Variants in RB1 observed in about 807,000 individuals in gnomAD.
The protein encoded by RB1 is retinoblastoma-associated protein.
A neutral mutation model predicts 135.4 loss-of-function variants in RB1; 18 were observed. The observed-to-expected ratio is 0.13, with a 90% CI of 0.09 to 0.20. The LOEUF (loss-of-function observed/expected upper bound fraction) is 0.20. Ranked by LOEUF, RB1 falls within the 10% of genes least tolerant of loss-of-function variation. RB1 has a pLI of 1.00. For missense variants in RB1, 868 were observed against 1,110.0 expected, an observed-to-expected ratio of 0.78 and a Z score of 3.10; for synonymous variants, 365 against 373.2, an observed-to-expected ratio of 0.98 and a Z score of 0.25.
chr13:48,444,375 G>A (rs1461629319), intron 17 of RB1, among the ~76,000 whole-genome samples: 1 of 152,054 alleles, frequency 6.6e-6, no homozygotes, highest in Non-Finnish European at 1.5e-5. Flanking sequence ...AAATTATCTG[G>A]GTGTGGTGGC....
chr13:48,459,719 A>T lies in RB1; in HGVS notation c.1992A>T (p.Thr664=), dbSNP rs755417160. Residue 664 remains threonine, a synonymous_variant, in exon 20 of 27, where the codon ACA becomes ACT. Coordinates refer to ENST00000267163, the MANE Select transcript of RB1 (RefSeq NM_000321.3). ...VYRLAYLRLN[T]LCERLLSEHP... is the part of the protein sequence containing the mutation. Reference sequence around the variant, plus strand: ...GGCTAGCCTATCTCCGGCTAAATACACTTTGTGAACGCCTTCTGTCTGAGC... The same window carrying T: ...GGCTAGCCTATCTCCGGCTAAATACTCTTTGTGAACGCCTTCTGTCTGAGC... 8.7e-6 allele frequency: 14 copies of T among 1,613,910 alleles called. No homozygotes were observed. The Admixed American group carries it at 2.2e-4, about 25-fold the overall frequency.
chr13:48,371,343 A>G (rs1402269494), intron 11 of RB1, among the ~76,000 whole-genome samples: 16 of 152,200 alleles, frequency 1.1e-4, no homozygotes, highest in Admixed American at 1.0e-3. Context: ...CATGTGTGCA[A>G]ATTAGAATAA....
intron 2 of RB1, chr13:48,317,347 C>T: frequency 2.6e-6 from 1 of 384,910 alleles, no homozygotes; most frequent in East Asian, 4.4e-5. Flanking sequence ...CCCGACGCCC[C>T]GCCTCCACTC....
intron 17 of RB1, among the ~76,000 whole-genome samples, chr13:48,393,886 C>T (rs1948629011): frequency 6.6e-6 from 1 of 152,142 alleles, no homozygotes; most frequent in African/African-American, 2.4e-5. Flanking sequence ...CAAATATTAG[C>T]AAATTTCTTC....
At chr13:48,445,346 G>C in intron 17 of RB1, 1 of 152,162 alleles carries the variant, frequency 6.6e-6, no homozygotes, top group Admixed American at 6.5e-5. Context: ...CAGAGTTTCT[G>C]TTGTAATTGG....
At chr13:48,449,836 C>T (rs979869678) in intron 17 of RB1, among the ~76,000 whole-genome samples, 1 of 152,150 alleles carries the variant, frequency 6.6e-6, no homozygotes, top group Non-Finnish European at 1.5e-5. Flanking sequence ...CATTTGGCAT[C>T]TTTAACCAAT....
At chr13:48,308,651 C>CA (rs368116879) in intron 2 of RB1, among the ~76,000 whole-genome samples, 98 of 136,126 alleles carry the variant, frequency 7.2e-4, no homozygotes, top group African/African-American at 1.5e-3. Context: ...GACTCCATCT[C>CA]AAAAAAAAAA....
At chr13:48,386,799 T>A (rs1043033158) in intron 17 of RB1, among the ~76,000 whole-genome samples, 1 of 152,190 alleles carries the variant, frequency 6.6e-6, no homozygotes, top group Admixed American at 6.5e-5. Flanking sequence ...TTTGTAAACA[T>A]TTACAAGAAG....
At chr13:48,315,459 A>C (rs1039591618) in intron 2 of RB1, among the ~76,000 whole-genome samples, 1 of 152,242 alleles carries the variant, frequency 6.6e-6, no homozygotes, top group Non-Finnish European at 1.5e-5. Context: ...TAAAATCATC[A>C]TCTGCAAACA....
chr13:48,430,945 A>T (rs113279432), intron 17 of RB1, among the ~76,000 whole-genome samples: 1 of 152,168 alleles, frequency 6.6e-6, no homozygotes, highest in African/African-American at 2.4e-5. Context: ...TATATTTAAA[A>T]ATAGCAGTAG....
At chr13:48,384,926 G>T (rs1948561426) in intron 17 of RB1, among the ~76,000 whole-genome samples, 1 of 152,118 alleles carries the variant, frequency 6.6e-6, no homozygotes, top group African/African-American at 2.4e-5. Flanking sequence ...AAAGTTGGGG[G>T]ATTACAGGTG....
At chr13:48,367,689 A>G in intron 10 of RB1, 86 bp downstream of exon 10, 1 of 1,433,476 alleles carries the variant, frequency 7.0e-7, no homozygotes, top group Non-Finnish European at 9.4e-7. Flanking sequence ...TAGCTTAGTG[A>G]CCTTTAGATA....
intron 13 of RB1, among the ~76,000 whole-genome samples, chr13:48,377,816 G>A (rs1952843074): frequency 6.6e-6 from 1 of 152,128 alleles, no homozygotes. Context: ...AGATGGTATA[G>A]CCGATTGTAC....
chr13:48,342,550 G>A, intron 2 of RB1, 49 bp from the exon 3 acceptor site: 3 of 1,094,446 alleles, frequency 2.7e-6, no homozygotes, highest in Non-Finnish European at 4.2e-6. Context: ...ATAGTATCCA[G>A]TGTGTGAATT....
At chr13:48,328,054 C>A (rs962388301) in intron 2 of RB1, 15 of 773,452 alleles carry the variant, frequency 1.9e-5, no homozygotes, top group South Asian at 1.8e-4. Context: ...TTATACCCAC[C>A]CACACCCCAA....
At chr13:48,305,286 A>G (rs1399259157) in intron 1 of RB1, among the ~76,000 whole-genome samples, 1 of 152,238 alleles carries the variant, frequency 6.6e-6, no homozygotes, top group Non-Finnish European at 1.5e-5. Flanking sequence ...TGGCCCCTGG[A>G]AGGCTATTAA....
At position 48,319,334 on chromosome 13, in the gene RB1, G is replaced by T. The variant is rs2057770751; in HGVS notation, c.264+11928G>T. 2 of 544,624 alleles carry T rather than the reference G, an allele frequency of 3.7e-6. No individual in the cohort carries two copies. The highest frequency in any genetic ancestry group is 3.2e-6 in the Non-Finnish European group (1 of 308,322). The allele number at this position is 544,624 out of a possible 1,614,324, so 33.7% of individuals were successfully genotyped here. A position where few individuals can be genotyped will look rare whatever the true frequency, so the allele number is the denominator to read the frequency against. On this transcript the variant is annotated intron_variant, in intron 2 of 26. Coordinates refer to ENST00000267163, the MANE Select transcript of RB1 (RefSeq NM_000321.3). This position sits in a 1 kb window ranked among gnomAD's most constrained non-coding sequence, Gnocchi z 5.0. ...GCTGGGCCCTCTGGGGCAGGTCCCC[G>T]TTGGCCTCCTTGCGTGTTTGCCGCA...
Position 48,367,661 on chromosome 13 carries a change from G to A in RB1, c.1049+58G>A, listed in dbSNP as rs3092883. 10,878 of 1,561,314 alleles carry A rather than the reference G, an allele frequency of 7.0e-3. 417 individuals carry two copies. The African/African-American group carries it at 0.1, about 15-fold the overall frequency. On this transcript the variant is annotated intron_variant, in intron 10 of 26. Coordinates refer to ENST00000267163, the MANE Select transcript of RB1 (RefSeq NM_000321.3). Reference sequence around the variant, plus strand: ...TTAGATATAGGTTGATACTGATATAGGTAGATTATATAGTCTTTAGCTTAG... The same window carrying A: ...TTAGATATAGGTTGATACTGATATAAGTAGATTATATAGTCTTTAGCTTAG...
At position 48,379,957 on chromosome 13, in the gene RB1, TA is replaced by T. The variant is rs35427721; in HGVS notation, c.1390-70del. ...CCTGGCAACAGAGCAAGACACCATC[TA>T]AAAAAAAAAAAAAAAAAAAAAAAAA... On this transcript the variant is annotated intron_variant, in intron 14 of 26. Coordinates refer to ENST00000267163, the MANE Select transcript of RB1 (RefSeq NM_000321.3). The T allele has an allele frequency of 0.21, 77,943 of 365,210 alleles. 367 individuals carry two copies. The highest frequency in any genetic ancestry group is 0.29 in the African/African-American group (5,587 of 19,320). The allele number at this position is 365,210 out of a possible 1,614,324, so 22.6% of individuals were successfully genotyped here. A position where few individuals can be genotyped will look rare whatever the true frequency, so the allele number is the denominator to read the frequency against.
Sources: allele counts gnomAD v4.1 joint callset (sites outside exome capture counted in the v4.1 genomes callset), GRCh38; gene constraint gnomAD v4.1.1; non-coding constraint Gnocchi (gnomAD v3.1); transcripts MANE v1.5; gene names NCBI Gene and HGNC (gene_info 2026-07-23, HGNC 2026-07-21).